FTCD: variants seen among roughly 807,000 people sequenced by gnomAD.
FTCD encodes the protein formimidoyltransferase cyclodeaminase.
In FTCD, 76 loss-of-function variants were observed where a neutral mutation model predicts 62.9. The ratio of observed to expected loss-of-function variants is 1.21; its 90% confidence interval spans 1.00 to 1.46. FTCD has a LOEUF of 1.46. FTCD is among the 40% of genes most tolerant of loss of function. The pLI, the probability that FTCD is intolerant of heterozygous loss-of-function variation, is 0.00. For synonymous variants in FTCD, 397 were observed against 336.9 expected, an observed-to-expected ratio of 1.18 and a Z score of -1.95; for missense variants, 845 against 751.3, an observed-to-expected ratio of 1.12 and a Z score of -1.46.
At chr21:46,152,596 T>C (rs1053639508) in intron 3 of FTCD, 3 of 298,530 alleles carry the variant, frequency 1.0e-5, no homozygotes, top group Non-Finnish European at 1.9e-5. Flanking sequence ...TTGTTTCATA[T>C]CATTTTCTTG....
chr21:46,154,936 G>C (rs752497906), intron 1 of FTCD, among the ~76,000 whole-genome samples: 2 of 152,262 alleles, frequency 1.3e-5, no homozygotes, highest in Non-Finnish European at 2.9e-5. Flanking sequence ...GTTCCCGGAG[G>C]AGCCTGGACC....
intron 10 of FTCD, chr21:46,142,671 A>T (rs1332903808): frequency 1.3e-5 from 2 of 152,210 alleles, no homozygotes; most frequent in African/African-American, 2.4e-5. Context: ...AAAAGAACAA[A>T]GCCCCCACAG....
At chr21:46,138,705 C>T in intron 11 of FTCD, 59 bp from the exon 12 acceptor site, 3 of 1,551,746 alleles carry the variant, frequency 1.9e-6, no homozygotes, top group Non-Finnish European at 2.6e-6. Flanking sequence ...GCAGTGGACA[C>T]ACTGCACCCC....
intron 3 of FTCD, 53 bp downstream of exon 3, chr21:46,152,854 A>AC (rs1381973775): frequency 7.7e-7 from 1 of 1,302,912 alleles, no homozygotes; most frequent in Non-Finnish European, 1.0e-6. Flanking sequence ...GGAGCCAATA[A>AC]CCCACACCAA....
chr21:46,139,451 C>T (rs1038256389), intron 10 of FTCD, among the ~76,000 whole-genome samples: 1 of 152,198 alleles, frequency 6.6e-6, no homozygotes, highest in Non-Finnish European at 1.5e-5. Context: ...CGGACCCACC[C>T]CGTGTGGAAG....
At chr21:46,154,072 T>G in intron 2 of FTCD, 77 bp downstream of exon 2, 1 of 1,491,558 alleles carries the variant, frequency 6.7e-7, no homozygotes, top group Non-Finnish European at 9.3e-7. Flanking sequence ...GCCTACCCCC[T>G]CTCCCAGGAC....
intron 7 of FTCD, among the ~76,000 whole-genome samples, chr21:46,148,918 G>A (rs1237130903): frequency 6.6e-6 from 1 of 152,196 alleles, no homozygotes; most frequent in Admixed American, 6.5e-5. Context: ...TTGTATCAGT[G>A]TTGAATTTCC....
Position 46,137,416 on chromosome 21 carries a change from G to C in FTCD, c.1444-82C>G, listed in dbSNP as rs2078895629. The C allele has an allele frequency of 5.7e-6, 6 of 1,061,594 alleles. No individual in the cohort carries two copies. In the South Asian group the frequency reaches 7.5e-5, roughly 13 times the overall value. 65.8% of individuals were successfully genotyped at this position (1,061,594 alleles called of 1,614,324 possible). A position where few individuals can be genotyped will look rare whatever the true frequency, so the allele number is the denominator to read the frequency against. ...GAGGGTCTCTGCCTGACGGGCTCTG[G>C]GACAGGCCGGACTTCGTCCTCCTCC... On this transcript the variant is annotated intron_variant, in intron 12 of 13. Coordinates refer to ENST00000397746, the MANE Select transcript of FTCD (RefSeq NM_206965.2).
intron 2 of FTCD, 79 bp from the exon 3 acceptor site, chr21:46,153,114 G>C (rs1457864350): frequency 2.8e-6 from 4 of 1,429,496 alleles, no homozygotes; most frequent in Non-Finnish European, 2.8e-6. Flanking sequence ...CGGACCCTCT[G>C]TCCTCTCCGG....
intron 2 of FTCD, among the ~76,000 whole-genome samples, chr21:46,153,344 G>A (rs1177818399): frequency 2.6e-5 from 4 of 152,196 alleles, no homozygotes; most frequent in African/African-American, 9.7e-5. Context: ...GGATAAACCT[G>A]TCCCTCTCCT....
intron 10 of FTCD, among the ~76,000 whole-genome samples, chr21:46,140,473 TCA>T (rs2078974829): frequency 6.9e-6 from 1 of 144,914 alleles, no homozygotes; most frequent in African/African-American, 2.7e-5. Flanking sequence ...TCGTCCACCT[TCA>T]CATTGTTCGC....
At chr21:46,136,404 GCT>G (rs1162180837), downstream of FTCD, 1 of 1,603,554 alleles carries the variant, frequency 6.2e-7, no homozygotes, top group East Asian at 2.2e-5. Context: ...CCAGTACCGT[GCT>G]CTGTGGAACT....
rs1239406324 is a variant in FTCD, at chr21:46,145,825, G to T, written c.1091C>A (p.Ala364Glu). The T allele has an allele frequency of 2.1e-5, 14 of 659,060 alleles. No individual in the cohort carries two copies. The African/African-American group carries it at 5.3e-4, about 25-fold the overall frequency. The allele number at this position is 659,060 out of a possible 1,614,324, so 40.8% of individuals were successfully genotyped here. A position where few individuals can be genotyped will look rare whatever the true frequency, so the allele number is the denominator to read the frequency against. The change falls in exon 9 of 14, where the codon GCG (alanine) becomes GAG (glutamate). Residue 364 changes from alanine (A) to glutamate (E), a missense_variant. Coordinates refer to ENST00000397746, the MANE Select transcript of FTCD (RefSeq NM_206965.2). ...CCCTCCCCCCGCGCTCACCATGGCC[G>T]CAGCGGCCGCCGCCACCGAGCCGCC... The part of the protein sequence containing the change: ...PGGGSVAAAA[A>E]AMGAALGSMV...
At position 46,154,413 on chromosome 21, in the gene FTCD, A is replaced by G. The variant is rs571797798; in HGVS notation, c.55-81T>C. ...GGAGCTTGGAGGTGGCTGCACCCCG[A>G]GACACAAATGGGGGCTGAGGAGGCG... On this transcript the variant is annotated intron_variant, in intron 1 of 13. Transcript: ENST00000397746. The G allele has an allele frequency of 5.3e-5, 78 of 1,481,154 alleles. No homozygotes were observed. The African/African-American group carries it at 9.0e-4, about 17-fold the overall frequency. The allele number at this position is 1,481,154 out of a possible 1,614,324, so 91.8% of individuals were successfully genotyped here.
chr21:46,139,100 A>T, intron 10 of FTCD, 177 bp from the exon 11 acceptor site: 6 of 645,956 alleles, frequency 9.3e-6, no homozygotes, highest in Non-Finnish European at 1.1e-5. Flanking sequence ...TTGGTGGAGG[A>T]GCAGGGTAGG....
At chr21:46,141,914 G>GC (rs527417569) in intron 10 of FTCD, among the ~76,000 whole-genome samples, 26 of 152,114 alleles carry the variant, frequency 1.7e-4, no homozygotes, top group Middle Eastern at 3.4e-3. Context: ...GGTGCCCTGG[G>GC]CCCCCCCGGG....
chr21:46,151,594 C>T lies in FTCD; in HGVS notation c.600G>A (p.Ala200=), dbSNP rs147306849. The change falls in exon 5 of 14, where the codon GCG becomes GCA. Residue 200 remains alanine, a synonymous_variant. Transcript: ENST00000397746. The part of the protein sequence containing the change: ...LGTKEQAHRI[A]LNLREQGRGK... ...CGCGGCCCTGCTCCCGCAGGTTGAG[C>T]GCGATGCGGTGGGCTTGCTCCTTTG... The T allele has an allele frequency of 8.9e-5, 144 of 1,612,940 alleles. 3 individuals are homozygous for T. The South Asian group carries it at 1.1e-3, about 12-fold the overall frequency.
At chr21:46,139,141 G>A (rs1035358765) in intron 10 of FTCD, 1 of 603,472 alleles carries the variant, frequency 1.7e-6, no homozygotes, top group Non-Finnish European at 3.0e-6. Context: ...GATGGTCAGA[G>A]ACCCGGGGAT....
At chr21:46,137,554 G>A (rs73908554) in intron 12 of FTCD, among the ~76,000 whole-genome samples, 4,319 of 152,248 alleles carry the variant, frequency 0.028, 217 homozygotes, top group African/African-American at 0.098. Flanking sequence ...CCCCACAGGA[G>A]GCCTGGGAGC....
Sources: allele counts gnomAD v4.1 joint callset (sites outside exome capture counted in the v4.1 genomes callset), GRCh38; gene constraint gnomAD v4.1.1; transcripts MANE v1.5; gene names NCBI Gene and HGNC (gene_info 2026-07-23, HGNC 2026-07-21).